RTN4: variants seen among roughly 807,000 people sequenced by gnomAD.
RTN4 encodes reticulon-4.
RTN4 carries 32 observed loss-of-function variants against 90.4 expected under a neutral mutation model. The observed-to-expected ratio is 0.35, with a 90% CI of 0.27 to 0.48. RTN4 has a LOEUF of 0.48. Ranked by LOEUF, RTN4 falls within the 20% of genes least tolerant of loss-of-function variation. RTN4 has a pLI of 0.99. For synonymous variants in RTN4, 629 were observed against 552.5 expected (o/e 1.14, Z -1.94); for missense variants, 1,706 against 1,430.2 (o/e 1.19, Z -3.11).
intron 3 of RTN4, among the ~76,000 whole-genome samples, chr2:54,992,539 C>T (rs140169353): frequency 6.0e-4 from 91 of 152,208 alleles, no homozygotes; most frequent in Non-Finnish European, 1.1e-3. Flanking sequence ...CAGGGCTTTA[C>T]TCCAATATAT....
At chr2:55,047,254 T>C (rs1417157727) in intron 1 of RTN4, among the ~76,000 whole-genome samples, 1 of 148,872 alleles carries the variant, frequency 6.7e-6, no homozygotes, top group Non-Finnish European at 1.5e-5. Context: ...CACTTGAACC[T>C]GGGAGGCGGA....
the RTN4 span, among the ~76,000 whole-genome samples, chr2:55,135,569 G>C: frequency 3.3e-5 from 5 of 152,138 alleles, no homozygotes; most frequent in Non-Finnish European, 5.9e-5. Context: ...AAATCATTCT[G>C]CTTCTTTTTT....
intron 1 of RTN4, among the ~76,000 whole-genome samples, chr2:55,107,747 C>G (rs1426778367): frequency 1.3e-5 from 2 of 152,044 alleles, no homozygotes; most frequent in Non-Finnish European, 2.9e-5. Flanking sequence ...CTGTGCCACT[C>G]CCCAGACAAA....
intron 1 of RTN4, among the ~76,000 whole-genome samples, chr2:55,110,995 C>G (rs1244492445): frequency 6.6e-6 from 1 of 151,872 alleles, no homozygotes; most frequent in African/African-American, 2.4e-5. Flanking sequence ...GAGCCGAGAT[C>G]GTACCACGGT....
chr2:55,015,772 C>G (rs927661248), intron 3 of RTN4, among the ~76,000 whole-genome samples: 7 of 152,134 alleles, frequency 4.6e-5, no homozygotes, highest in African/African-American at 1.2e-4. Flanking sequence ...AGCTGGACAA[C>G]AGAGAGAGAG....
intron 1 of RTN4, among the ~76,000 whole-genome samples, chr2:55,045,227 A>G (rs891775571): frequency 1.3e-5 from 2 of 152,216 alleles, no homozygotes; most frequent in Non-Finnish European, 2.9e-5. Flanking sequence ...AAATTTTGGC[A>G]GTCTCTGAAA....
At chr2:54,973,400 C>T (rs1030495363) in intron 8 of RTN4, 163 bp downstream of exon 8, 5 of 761,542 alleles carry the variant, frequency 6.6e-6, no homozygotes, top group East Asian at 2.7e-5. Flanking sequence ...AACCCAGAAA[C>T]GAATGGTCCA....
intron 3 of RTN4, among the ~76,000 whole-genome samples, chr2:55,011,977 G>A (rs137971375): frequency 1.3e-5 from 2 of 152,216 alleles, no homozygotes; most frequent in East Asian, 1.9e-4. Flanking sequence ...GCCTCTCCAC[G>A]CAACATTCAG....
intron 3 of RTN4, among the ~76,000 whole-genome samples, chr2:55,015,724 C>T (rs1430697769): frequency 3.9e-5 from 6 of 152,106 alleles, no homozygotes; most frequent in South Asian, 4.1e-4. Flanking sequence ...ATTTAAGGAA[C>T]GAGTCATAGT....
chr2:55,031,290 C>T lies in RTN4; in HGVS notation c.557-3070G>A, dbSNP rs370470276. On this transcript the variant is annotated intron_variant, in intron 1 of 8. Transcript: ENST00000337526. ...AAAAGGGAAACCTGCAAGATGACTACGCTGCTTTCTGTCTGAAGGCACATT... is the reference window on the plus strand; with the variant it reads ...AAAAGGGAAACCTGCAAGATGACTATGCTGCTTTCTGTCTGAAGGCACATT... Among the ~76,000 whole-genome samples the T allele has an allele frequency of 8.1e-4, 123 of 152,322 alleles. 3 individuals are homozygous for T. In the South Asian group the frequency reaches 0.023, roughly 29 times the overall value.
chr2:55,039,902 G>A (rs1001770044), intron 1 of RTN4, among the ~76,000 whole-genome samples: 1 of 152,116 alleles, frequency 6.6e-6, no homozygotes, highest in African/African-American at 2.4e-5. Flanking sequence ...ATATATACAT[G>A]TTTGAGTCTA....
chr2:55,116,689 T>C (rs1357173125), upstream of RTN4, among the ~76,000 whole-genome samples: 1 of 152,108 alleles, frequency 6.6e-6, no homozygotes, highest in African/African-American at 2.4e-5. Context: ...ACACAGCTAA[T>C]GAGTGGCAGA....
intron 5 of RTN4, among the ~76,000 whole-genome samples, chr2:54,975,923 A>C (rs2104607275): frequency 6.6e-6 from 1 of 152,334 alleles, no homozygotes; most frequent in East Asian, 1.9e-4. Context: ...AATTTTTTTA[A>C]GCTGCCGTAT....
chr2:55,066,960 A>C (rs1384158582), intron 2 of RTN4, among the ~76,000 whole-genome samples: 1 of 152,182 alleles, frequency 6.6e-6, no homozygotes, highest in African/African-American at 2.4e-5. Flanking sequence ...ACATAACCCA[A>C]ACCCAATAAG....
chr2:55,129,873 A>T, the RTN4 span, among the ~76,000 whole-genome samples: 8 of 152,194 alleles, frequency 5.3e-5, no homozygotes, highest in Non-Finnish European at 8.8e-5. Context: ...CTCGTCTTTT[A>T]AAAAAAGAAA....
At chr2:55,092,786 G>T (rs1668963646) in intron 1 of RTN4, among the ~76,000 whole-genome samples, 1 of 152,204 alleles carries the variant, frequency 6.6e-6, no homozygotes, top group African/African-American at 2.4e-5. Context: ...TCAGTTTGGG[G>T]GCTCCCCTGG....
intron 2 of RTN4, among the ~76,000 whole-genome samples, chr2:55,071,717 T>A (rs1191637444): frequency 6.6e-6 from 1 of 152,176 alleles, no homozygotes; most frequent in African/African-American, 2.4e-5. Flanking sequence ...TCCCCAGCAC[T>A]GCCGCAGTGC....
intron 1 of RTN4, among the ~76,000 whole-genome samples, chr2:55,099,226 A>G (rs1667808004): frequency 6.6e-6 from 1 of 152,144 alleles, no homozygotes; most frequent in Non-Finnish European, 1.5e-5. Flanking sequence ...TTTACCGGTT[A>G]TCAGTTCAAT....
In RTN4 at chr2:54,978,001, G is replaced by C. The variant is rs550473527; in HGVS notation, c.3361-3237C>G. Among the ~76,000 whole-genome samples the C allele has an allele frequency of 7.2e-5, 11 of 152,262 alleles. 1 individual carries two copies. The highest frequency in any genetic ancestry group is 2.4e-4 in the African/African-American group (10 of 41,556). Reference sequence around the variant, plus strand: ...AGCCCTGGAGTTTGGTTATTTTTTTGATCACATTTTGAAAGGCCAGGCTCC... The same window carrying C: ...AGCCCTGGAGTTTGGTTATTTTTTTCATCACATTTTGAAAGGCCAGGCTCC... On this transcript the variant is annotated intron_variant, in intron 5 of 8. Coordinates refer to ENST00000337526, the MANE Select transcript of RTN4 (RefSeq NM_020532.5).
Sources: gnomAD v4.1 joint callset for allele counts (sites outside exome capture counted in the v4.1 genomes callset) on GRCh38, gnomAD v4.1.1 for gene constraint, MANE v1.5 for transcripts, NCBI Gene and HGNC (gene_info 2026-07-23, HGNC 2026-07-21) for gene names.